Variants in EBF1 observed in about 807,000 individuals in gnomAD.
The protein encoded by EBF1 is transcription factor COE1.
In EBF1, 10 loss-of-function variants were observed where a neutral mutation model predicts 68.4. The observed-to-expected ratio is 0.15, with a 90% CI of 0.09 to 0.25. The LOEUF (loss-of-function observed/expected upper bound fraction) is 0.25, where lower values mean the gene tolerates loss of function less well. Ranked by LOEUF, EBF1 falls within the 10% of genes least tolerant of loss-of-function variation. The pLI is 1.00. For missense variants in EBF1, 509 were observed against 794.4 expected, an observed-to-expected ratio of 0.64 and a Z score of 4.32; for synonymous variants, 298 against 299.8, an observed-to-expected ratio of 0.99 and a Z score of 0.06.
chr5:158,996,480 CT>C (rs1199329357), intron 6 of EBF1, among the ~76,000 whole-genome samples: 3 of 152,186 alleles, frequency 2.0e-5, no homozygotes, highest in African/African-American at 7.2e-5. Flanking sequence ...TATTGTTTCA[CT>C]TTCTTCAAAT....
At chr5:158,927,346 G>A (rs1057041575) in intron 6 of EBF1, among the ~76,000 whole-genome samples, 1 of 152,154 alleles carries the variant, frequency 6.6e-6, no homozygotes, top group African/African-American at 2.4e-5. Flanking sequence ...TGCAAGAGGT[G>A]TCCTGAGTTT....
At chr5:158,932,288 CAT>C (rs1811046648) in intron 6 of EBF1, among the ~76,000 whole-genome samples, 7 of 152,258 alleles carry the variant, frequency 4.6e-5, no homozygotes, top group Middle Eastern at 3.4e-3. Flanking sequence ...GATATATCCA[CAT>C]GATACAATAT....
intron 6 of EBF1, among the ~76,000 whole-genome samples, chr5:158,944,116 G>T (rs963561695): frequency 2.0e-5 from 3 of 152,114 alleles, no homozygotes; most frequent in African/African-American, 7.2e-5. Flanking sequence ...TACATGTGCA[G>T]AACATGCAGG....
At chr5:159,087,359 T>TATATATACACAC (rs1780867985) in intron 4 of EBF1, among the ~76,000 whole-genome samples, 2 of 67,516 alleles carry the variant, frequency 3.0e-5, no homozygotes, top group African/African-American at 6.4e-5. Flanking sequence ...TATATACACA[T>TATATATACACAC]ATATATATAC....
chr5:158,714,272 A>G lies in EBF1; in HGVS notation c.1126-90T>C, dbSNP rs189964607. 6 of 1,494,752 alleles carry G rather than the reference A, an allele frequency of 4.0e-6. No homozygotes were observed. In the East Asian group the frequency reaches 1.4e-4, roughly 34 times the overall value. 92.6% of individuals were successfully genotyped at this position (1,494,752 alleles called of 1,614,324 possible). A position where few individuals can be genotyped will look rare whatever the true frequency, so the allele number is the denominator to read the frequency against. On this transcript the variant is annotated intron_variant, in intron 11 of 15. Transcript: ENST00000313708. ...ATCACATTCCAGTCCCTCTGGCCAT[A>G]CTTTGCCAAGGCACTGCTATAAAGG...
intron 7 of EBF1, among the ~76,000 whole-genome samples, chr5:158,831,835 T>C (rs1234602899): frequency 6.6e-6 from 1 of 152,046 alleles, no homozygotes; most frequent in Non-Finnish European, 1.5e-5. Context: ...AGTCATTCAA[T>C]GTGTCAGAAG....
chr5:159,068,411 T>A (rs1464127741), intron 6 of EBF1, among the ~76,000 whole-genome samples: 2 of 149,268 alleles, frequency 1.3e-5, no homozygotes, highest in Non-Finnish European at 3.0e-5. Flanking sequence ...GGATGGATGG[T>A]TAGATAGATA....
intron 1 of EBF1, among the ~76,000 whole-genome samples, chr5:159,099,120 G>T (rs1441701524): frequency 2.0e-5 from 3 of 152,186 alleles, no homozygotes; most frequent in Non-Finnish European, 4.4e-5. Flanking sequence ...GAAAGTGCTG[G>T]CAAAGCGTGG....
intron 6 of EBF1, among the ~76,000 whole-genome samples, chr5:158,848,185 G>T (rs1255366696): frequency 6.6e-6 from 1 of 152,076 alleles, no homozygotes; most frequent in Non-Finnish European, 1.5e-5. Flanking sequence ...AAGGTAATTT[G>T]CCCAAGGTTT....
chr5:158,962,343 A>G (rs1818338493), intron 6 of EBF1, among the ~76,000 whole-genome samples: 2 of 152,144 alleles, frequency 1.3e-5, no homozygotes, highest in Non-Finnish European at 2.9e-5. Context: ...AACATAATGA[A>G]GTGAAGCTGC....
At chr5:158,986,830 AATT>A (rs1759191650) in intron 6 of EBF1, 1 of 152,192 alleles carries the variant, frequency 6.6e-6, no homozygotes, top group East Asian at 1.9e-4. Context: ...AAATATTAGT[AATT>A]ATTATTACTA....
Position 158,894,728 on chromosome 5 carries a change from G to A in EBF1, c.555-54618C>T, listed in dbSNP as rs181536199. The stretch of plus-strand genomic sequence containing the variant: ...GTGTCACCTGGACAGGTAATCCAAC[G>A]TCCCTGTGTTTCCATTTCCTTATCT... On this transcript the variant is annotated intron_variant, in intron 6 of 15. Coordinates refer to ENST00000313708, the MANE Select transcript of EBF1 (RefSeq NM_024007.5). Among the ~76,000 whole-genome samples, 5 of 152,290 alleles carry A rather than the reference G, an allele frequency of 3.3e-5. No individual in the cohort carries two copies. The East Asian group carries it at 9.6e-4, about 29-fold the overall frequency.
chr5:158,713,124 G>A lies in EBF1; in HGVS notation c.1215C>T (p.Ala405=), dbSNP rs141300956. The A allele has an allele frequency of 4.2e-5, 64 of 1,518,812 alleles. No individual in the cohort carries two copies. Among genetic ancestry groups the A allele is most frequent in the Middle Eastern group, 1.7e-4 (1 of 5,720 alleles). The allele number at this position is 1,518,812 out of a possible 1,614,324, so 94.1% of individuals were successfully genotyped here. The change falls in exon 13 of 16, where the codon GCC becomes GCT. Residue 405 remains alanine (A), a synonymous_variant. Transcript: ENST00000313708. ...NNQEIILKRA[A]DIAEALYSVP... is the part of the protein sequence containing the mutation. ...CACTGTACAGGGCCTCGGCAATGTC[G>A]GCCGCTCTCTTCAGAATGATTTCCT... is the stretch of plus-strand genomic sequence containing the variant.
intron 6 of EBF1, among the ~76,000 whole-genome samples, chr5:159,056,530 C>A (rs1250760918): frequency 6.6e-6 from 1 of 152,186 alleles, no homozygotes; most frequent in Non-Finnish European, 1.5e-5. Flanking sequence ...CAGCACCATA[C>A]CCATGACTTC....
chr5:158,978,451 C>T (rs1757213840), intron 6 of EBF1, among the ~76,000 whole-genome samples: 2 of 152,204 alleles, frequency 1.3e-5, no homozygotes, highest in African/African-American at 4.8e-5. Context: ...TTCATTTTGC[C>T]TCTTTTTAAG....
chr5:158,785,982 T>C (rs1777349309), intron 9 of EBF1, among the ~76,000 whole-genome samples: 1 of 152,198 alleles, frequency 6.6e-6, no homozygotes, highest in Non-Finnish European at 1.5e-5. Context: ...AACAAGGCCC[T>C]GGAACTAGTA....
At chr5:158,777,368 C>T (rs757409812) in intron 10 of EBF1, 45 bp downstream of exon 10, 1 of 1,532,400 alleles carries the variant, frequency 6.5e-7, no homozygotes, top group Non-Finnish European at 8.8e-7. Flanking sequence ...AAAGACCCCA[C>T]AAGACCACGG....
chr5:159,015,552 T>C (rs942019838), intron 6 of EBF1, among the ~76,000 whole-genome samples: 1 of 152,304 alleles, frequency 6.6e-6, no homozygotes. Context: ...GGCTGTTCTC[T>C]TCAGGATGCC....
In EBF1 at chr5:158,696,777, A is replaced by G. The variant is rs967614861; in HGVS notation, c.*2334T>C. The stretch of plus-strand genomic sequence containing the variant: ...TTGACAGCCTAGTGAAAACCATTGC[A>G]AAATCCATATGGGGGCATGCACAGT... On this transcript the variant is annotated 3_prime_UTR_variant, in exon 16 of 16. Transcript: ENST00000313708. 5.7e-6 allele frequency: 1 copy of G among 175,996 alleles called. No homozygotes were observed. Among genetic ancestry groups the G allele is most frequent in the African/African-American group, 2.8e-5 (1 of 35,754 alleles). 10.9% of individuals were successfully genotyped at this position (175,996 alleles called of 1,614,324 possible).
Sources: gnomAD v4.1 joint callset for allele counts (sites outside exome capture counted in the v4.1 genomes callset) on GRCh38, gnomAD v4.1.1 for gene constraint, MANE v1.5 for transcripts, NCBI Gene and HGNC (gene_info 2026-07-23, HGNC 2026-07-21) for gene names.